The following SLC24A2 variants were observed in gnomAD, a reference collection of about 807,000 sequenced individuals.
SLC24A2 encodes solute carrier family 24 member 2.
Under a neutral mutation model 62.0 loss-of-function variants are expected in SLC24A2, and 36 were observed. The observed-to-expected ratio is 0.58, with a 90% CI of 0.44 to 0.77. The LOEUF (loss-of-function observed/expected upper bound fraction) is 0.77, where lower values mean the gene tolerates loss of function less well. Among genes scored for constraint, SLC24A2 ranks in the 30% least tolerant of loss-of-function variants. The probability of loss-of-function intolerance (pLI) is 0.00; values close to 1 mark genes in which losing one functional copy is unlikely to be tolerated. For synonymous variants in SLC24A2, 358 were observed against 294.0 expected, an observed-to-expected ratio of 1.22 and a Z score of -2.23; for missense variants, 846 against 817.9, an observed-to-expected ratio of 1.03 and a Z score of -0.42.
chr9:20,008,392 G>C, the SLC24A2 span, among the ~76,000 whole-genome samples: 9,197 of 151,964 alleles, frequency 0.061, 891 homozygotes, highest in African/African-American at 0.21. Context: ...GGTGACTTCT[G>C]TACATGGATA....
chr9:20,191,576 T>C, the SLC24A2 span, among the ~76,000 whole-genome samples: 2 of 151,708 alleles, frequency 1.3e-5, no homozygotes, highest in Non-Finnish European at 2.9e-5. Context: ...TTACATTCTC[T>C]GGCATATATC....
At chr9:20,111,844 A>C in the SLC24A2 span, among the ~76,000 whole-genome samples, 1 of 152,154 alleles carries the variant, frequency 6.6e-6, no homozygotes, top group African/African-American at 2.4e-5. Context: ...TTTCAACCAA[A>C]AAGATTAAAA....
intron 2 of SLC24A2, among the ~76,000 whole-genome samples, chr9:19,753,140 C>A (rs1334280546): frequency 1.3e-5 from 2 of 152,128 alleles, no homozygotes; most frequent in Non-Finnish European, 2.9e-5. Context: ...AATGAGGACA[C>A]AAAAGGCACC....
the SLC24A2 span, among the ~76,000 whole-genome samples, chr9:19,853,370 G>A: frequency 6.6e-6 from 1 of 151,962 alleles, no homozygotes; most frequent in African/African-American, 2.4e-5. Flanking sequence ...GAGACAGAAC[G>A]TTCTTATCTT....
rs1820951888 is a variant in SLC24A2, at chr9:19,719,190, G to A, written c.930+66747C>T. ...GCTAGCCTGGTGCTCATAGTCACAA[G>A]ACACTCTTTTCCTTGGTTACTAGCA... is the stretch of plus-strand genomic sequence containing the variant. On this transcript the variant is annotated intron_variant, in intron 2 of 10. Transcript: ENST00000341998. Among the ~76,000 whole-genome samples the A allele has an allele frequency of 3.9e-5, 6 of 152,244 alleles. No homozygotes were observed. In the South Asian group the frequency reaches 1.2e-3, roughly 32 times the overall value.
At chr9:19,728,028 C>A (rs1821223129) in intron 2 of SLC24A2, among the ~76,000 whole-genome samples, 1 of 152,134 alleles carries the variant, frequency 6.6e-6, no homozygotes, top group Non-Finnish European at 1.5e-5. Flanking sequence ...GGCTCACAGG[C>A]TTCCACTGCT....
chr9:20,074,400 A>G, the SLC24A2 span, among the ~76,000 whole-genome samples: 1 of 151,934 alleles, frequency 6.6e-6, no homozygotes, highest in Non-Finnish European at 1.5e-5. Flanking sequence ...TAAGGCTCAC[A>G]TCCTTGCCAC....
At chr9:20,062,053 C>G in the SLC24A2 span, among the ~76,000 whole-genome samples, 1 of 152,040 alleles carries the variant, frequency 6.6e-6, no homozygotes, top group Admixed American at 6.6e-5. Flanking sequence ...CTGGGAAACA[C>G]AGCATCTCTC....
At chr9:19,993,102 C>A in the SLC24A2 span, among the ~76,000 whole-genome samples, 1 of 152,116 alleles carries the variant, frequency 6.6e-6, no homozygotes, top group African/African-American at 2.4e-5. Flanking sequence ...TCATAATTGA[C>A]CCTATTTAGT....
the SLC24A2 span, among the ~76,000 whole-genome samples, chr9:20,122,414 C>T: frequency 8.5e-5 from 13 of 152,238 alleles, no homozygotes; most frequent in East Asian, 1.9e-4. Context: ...AGGCAGGGCA[C>T]GGTGGCTCAC....
At chr9:20,186,666 T>C in the SLC24A2 span, among the ~76,000 whole-genome samples, 1 of 152,110 alleles carries the variant, frequency 6.6e-6, no homozygotes, top group Non-Finnish European at 1.5e-5. Flanking sequence ...AATGAAAATA[T>C]ATCTTTAAGC....
At chr9:20,087,915 G>A in the SLC24A2 span, among the ~76,000 whole-genome samples, 1 of 152,162 alleles carries the variant, frequency 6.6e-6, no homozygotes, top group South Asian at 2.1e-4. Flanking sequence ...CAGGGAAGCG[G>A]TGAGTGAGTG....
chr9:19,558,740 C>A (rs116995248), intron 7 of SLC24A2, among the ~76,000 whole-genome samples: 99 of 152,328 alleles, frequency 6.5e-4, no homozygotes, highest in Non-Finnish European at 1.2e-3. Context: ...CATCTTTAAA[C>A]AAGGAACTAT....
chr9:19,626,022 A>G (rs1339590269), intron 2 of SLC24A2, among the ~76,000 whole-genome samples: 4 of 152,068 alleles, frequency 2.6e-5, no homozygotes, highest in African/African-American at 9.7e-5. Flanking sequence ...TTTGCTACTT[A>G]TTTGATAGGT....
At chr9:19,568,206 C>T (rs1294722799) in intron 7 of SLC24A2, among the ~76,000 whole-genome samples, 1 of 152,200 alleles carries the variant, frequency 6.6e-6, no homozygotes, top group Admixed American at 6.5e-5. Context: ...GCCTGATCAT[C>T]CCGCGTTCAC....
At chr9:20,197,560 T>A in the SLC24A2 span, among the ~76,000 whole-genome samples, 2 of 150,978 alleles carry the variant, frequency 1.3e-5, no homozygotes, top group Non-Finnish European at 2.9e-5. Context: ...CCCTCCCGAG[T>A]AGCTGACACT....
At chr9:19,741,124 C>A (rs1821664273) in intron 2 of SLC24A2, among the ~76,000 whole-genome samples, 1 of 152,188 alleles carries the variant, frequency 6.6e-6, no homozygotes, top group African/African-American at 2.4e-5. Context: ...GTTTCTGCTG[C>A]TGCCATCAGC....
the SLC24A2 span, among the ~76,000 whole-genome samples, chr9:20,265,585 G>A: frequency 2.0e-5 from 3 of 152,148 alleles, no homozygotes; most frequent in African/African-American, 7.2e-5. Flanking sequence ...AGCTGAGGAG[G>A]ATGTATGTTA....
At chr9:19,715,489 T>C (rs917549462) in intron 2 of SLC24A2, among the ~76,000 whole-genome samples, 6 of 152,252 alleles carry the variant, frequency 3.9e-5, no homozygotes, top group African/African-American at 9.6e-5. Context: ...CATCTGTGTA[T>C]TAGCTTGTTC....
Sources: allele counts gnomAD v4.1 joint callset (sites outside exome capture counted in the v4.1 genomes callset), GRCh38; gene constraint gnomAD v4.1.1; transcripts MANE v1.5; gene names NCBI Gene and HGNC (gene_info 2026-07-23, HGNC 2026-07-21).